SREBF2: variants seen among roughly 807,000 people sequenced by gnomAD.
The protein encoded by SREBF2 is sterol regulatory element-binding protein 2.
In SREBF2, 55 loss-of-function variants were observed where a neutral mutation model predicts 113.1. The ratio of observed to expected loss-of-function variants is 0.49; its 90% CI spans 0.39 to 0.61. SREBF2 has a LOEUF of 0.61. Among genes scored for constraint, SREBF2 ranks in the 20% least tolerant of loss-of-function variants. SREBF2 has a pLI of 0.00. For synonymous variants in SREBF2, 593 were observed against 605.7 expected (o/e 0.98, Z 0.31); for missense variants, 1,349 against 1,487.4 (o/e 0.91, Z 1.53).
chr22:41,857,621 G>A (rs1444885624), intron 1 of SREBF2, among the ~76,000 whole-genome samples: 2 of 152,064 alleles, frequency 1.3e-5, no homozygotes, highest in Admixed American at 6.6e-5. Flanking sequence ...TGGTTTCTTT[G>A]CCAGTAAAAG....
intron 13 of SREBF2, 147 bp from the exon 14 acceptor site, chr22:41,896,905 T>C: frequency 3.1e-6 from 2 of 638,804 alleles, no homozygotes; most frequent in Non-Finnish European, 5.8e-6. Flanking sequence ...AGGGTACACA[T>C]AGACAGCGCT....
At chr22:41,855,755 CTTTTT>C (rs572611963) in intron 1 of SREBF2, among the ~76,000 whole-genome samples, 1 of 141,150 alleles carries the variant, frequency 7.1e-6, no homozygotes, top group Non-Finnish European at 1.6e-5. Flanking sequence ...TGTAGTATAA[CTTTTT>C]TTTTTTTTTT....
At chr22:41,845,020 C>T (rs965953372) in intron 1 of SREBF2, among the ~76,000 whole-genome samples, 6 of 148,202 alleles carry the variant, frequency 4.0e-5, no homozygotes, top group African/African-American at 1.2e-4. Context: ...CCTCTGCCTC[C>T]TGGGTTCAAG....
intron 5 of SREBF2, 126 bp downstream of exon 5, chr22:41,874,145 T>A: frequency 1.1e-6 from 1 of 898,826 alleles, no homozygotes. Flanking sequence ...AGGTGCTTTT[T>A]TATTAAAGCA....
intron 3 of SREBF2, 84 bp from the exon 4 acceptor site, chr22:41,870,805 T>G: frequency 3.3e-6 from 5 of 1,520,886 alleles, no homozygotes; most frequent in Non-Finnish European, 4.6e-6. Flanking sequence ...TCATTCTTTC[T>G]TGGAAGGTCT....
chr22:41,861,747 AC>A (rs1449289082), intron 1 of SREBF2, among the ~76,000 whole-genome samples: 1 of 151,866 alleles, frequency 6.6e-6, no homozygotes, highest in African/African-American at 2.4e-5. Flanking sequence ...ACATGGTGAA[AC>A]CCTGTCTCTA....
chr22:41,863,514 C>A (rs1358522639), intron 1 of SREBF2, among the ~76,000 whole-genome samples: 2 of 152,200 alleles, frequency 1.3e-5, no homozygotes, highest in African/African-American at 4.8e-5. Context: ...ATTTTATAAT[C>A]TTGTACTTGG....
intron 3 of SREBF2, among the ~76,000 whole-genome samples, chr22:41,869,640 C>T (rs1040875293): frequency 1.3e-5 from 2 of 151,252 alleles, no homozygotes; most frequent in African/African-American, 2.4e-5. Context: ...CCTGCCACTG[C>T]ACCTGGCTAG....
intron 1 of SREBF2, among the ~76,000 whole-genome samples, chr22:41,859,111 A>G (rs925438602): frequency 9.2e-5 from 14 of 151,594 alleles, no homozygotes; most frequent in Non-Finnish European, 1.8e-4. Flanking sequence ...CGACAGAGCA[A>G]GACTCCGTCT....
intron 1 of SREBF2, among the ~76,000 whole-genome samples, chr22:41,857,307 A>G (rs1421442908): frequency 1.3e-5 from 2 of 152,138 alleles, no homozygotes; most frequent in Admixed American, 1.3e-4. Flanking sequence ...AAACTATGAG[A>G]GCTGGCTCAG....
intron 5 of SREBF2, 69 bp downstream of exon 5, chr22:41,874,088 C>G (rs2077170748): frequency 8.5e-6 from 13 of 1,537,900 alleles, no homozygotes; most frequent in Non-Finnish European, 9.9e-6. Context: ...CCTCAGGAGC[C>G]TAGAGAAGTC....
rs1348642983 is a variant in SREBF2, at chr22:41,870,885, C to G, written c.721-4C>G. 3 of 1,614,022 alleles carry G rather than the reference C, an allele frequency of 1.9e-6. No homozygotes were observed. Among genetic ancestry groups the G allele is most frequent in the Non-Finnish European group, 1.7e-6 (2 of 1,180,040 alleles). On this transcript the variant is annotated splice_polypyrimidine_tract_variant and splice_region_variant and intron_variant, in intron 3 of 18. Coordinates refer to ENST00000361204, the MANE Select transcript of SREBF2 (RefSeq NM_004599.4). ...CCTTTTACTTTTCTTCCTTCTTCAT[C>G]CAGGTCCTGGTCCAGCCTCAGATCA... is the stretch of plus-strand genomic sequence containing the variant.
chr22:41,876,428 G>A (rs2077198503), intron 7 of SREBF2, among the ~76,000 whole-genome samples: 1 of 152,194 alleles, frequency 6.6e-6, no homozygotes, highest in South Asian at 2.1e-4. Context: ...ATGTGGTTCT[G>A]TTTGGCAACA....
intron 14 of SREBF2, 144 bp downstream of exon 14, chr22:41,897,305 C>G (rs937512287): frequency 1.7e-6 from 1 of 592,364 alleles, no homozygotes; most frequent in Admixed American, 3.0e-5. Flanking sequence ...CTCCAGTTCA[C>G]AGTCACCCCC....
At chr22:41,856,781 G>T (rs1334494149) in intron 1 of SREBF2, among the ~76,000 whole-genome samples, 4 of 152,250 alleles carry the variant, frequency 2.6e-5, no homozygotes, top group African/African-American at 9.6e-5. Flanking sequence ...TAAAGAATTT[G>T]ATTTGATTAA....
At chr22:41,880,590 T>C in intron 9 of SREBF2, 126 bp from the exon 10 acceptor site, 2 of 1,258,468 alleles carry the variant, frequency 1.6e-6, no homozygotes, top group Non-Finnish European at 2.3e-6. Context: ...TTTCTGAAGT[T>C]TCCCTCGTTT....
At chr22:41,896,487 G>A (rs532691920) in intron 13 of SREBF2, among the ~76,000 whole-genome samples, 40 of 152,282 alleles carry the variant, frequency 2.6e-4, no homozygotes, top group African/African-American at 8.9e-4. Context: ...AGCCTCCCAA[G>A]TAGCTGGAAT....
intron 1 of SREBF2, among the ~76,000 whole-genome samples, chr22:41,865,321 C>T (rs2077065061): frequency 6.6e-6 from 1 of 151,890 alleles, no homozygotes; most frequent in South Asian, 2.1e-4. Context: ...AAAGGAGGGG[C>T]CATAGTTCAA....
intron 1 of SREBF2, among the ~76,000 whole-genome samples, chr22:41,840,007 T>G (rs1258093417): frequency 6.8e-6 from 1 of 146,606 alleles, no homozygotes; most frequent in East Asian, 2.0e-4. Flanking sequence ...TCGCCCAGGC[T>G]GAAGTGCAGT....
Sources: allele counts gnomAD v4.1 joint callset (sites outside exome capture counted in the v4.1 genomes callset), GRCh38; gene constraint gnomAD v4.1.1; transcripts MANE v1.5; gene names NCBI Gene and HGNC (gene_info 2026-07-23, HGNC 2026-07-21).